WWTR1: variants seen among roughly 807,000 people sequenced by gnomAD.
WWTR1 encodes WW domain containing transcription regulator 1, also known as WW domain-containing transcription regulator protein 1.
WWTR1 carries 13 observed loss-of-function variants against 40.1 expected under a neutral mutation model. The ratio of observed to expected loss-of-function variants is 0.32; its 90% confidence interval spans 0.21 to 0.52. The LOEUF (loss-of-function observed/expected upper bound fraction) is 0.52, where lower values mean the gene tolerates loss of function less well. Among genes scored for constraint, WWTR1 ranks in the 20% least tolerant of loss-of-function variants. The probability of loss-of-function intolerance (pLI) is 0.97; values close to 1 mark genes in which losing one functional copy is unlikely to be tolerated. For synonymous variants in WWTR1, 230 were observed against 210.1 expected (o/e 1.09, Z -0.82); for missense variants, 436 against 523.1 (o/e 0.83, Z 1.63).
At chr3:149,605,361 GTA>G (rs199699970) in intron 2 of WWTR1, among the ~76,000 whole-genome samples, 1,987 of 152,176 alleles carry the variant, frequency 0.013, 48 homozygotes, top group African/African-American at 0.045. Flanking sequence ...CCTTTCTAGT[GTA>G]GTGACCTACA....
At position 149,550,905 on chromosome 3, in the gene WWTR1, TTATC is replaced by T. The variant is rs549527125; in HGVS notation, c.569-8372_569-8369del. Reference sequence around the variant, plus strand: ...TAACTTCAGTTACATATATTCCAAATTATCTATCTTTTAGTTTTTTTTTTTCTTT... The same window carrying T: ...TAACTTCAGTTACATATATTCCAAATTATCTTTTAGTTTTTTTTTTTCTTT... On this transcript the variant is annotated intron_variant, in intron 3 of 6. Coordinates refer to ENST00000360632, the MANE Select transcript of WWTR1 (RefSeq NM_015472.6). Among the ~76,000 whole-genome samples the T allele has an allele frequency of 2.1e-3, 302 of 145,298 alleles. 46 individuals are homozygous for T. Among genetic ancestry groups the T allele is most frequent in the African/African-American group, 7.5e-3 (287 of 38,194 alleles).
At chr3:149,642,273 AGCCAGGCGTGGTGGCCCAT>A (rs1467199990) in intron 2 of WWTR1, among the ~76,000 whole-genome samples, 1 of 151,610 alleles carries the variant, frequency 6.6e-6, no homozygotes, top group Non-Finnish European at 1.5e-5. Context: ...ATACAAAATT[AGCCAGGCGTGGTGGCCCAT>A]GCCTGTAATC....
intron 2 of WWTR1, among the ~76,000 whole-genome samples, chr3:149,581,643 A>T (rs540466355): frequency 2.0e-5 from 3 of 152,206 alleles, no homozygotes; most frequent in Non-Finnish European, 4.4e-5. Flanking sequence ...CAATTCAAAA[A>T]ATTTCAGCAT....
At chr3:149,709,465 G>A (rs75238453) in intron 5 of WWTR1, among the ~76,000 whole-genome samples, 8,231 of 152,098 alleles carry the variant, frequency 0.054, 510 homozygotes, top group African/African-American at 0.14. Flanking sequence ...AAATAAGGTT[G>A]TTTTGTGGTT....
chr3:149,598,263 G>A (rs532490637), intron 2 of WWTR1, among the ~76,000 whole-genome samples: 1 of 152,268 alleles, frequency 6.6e-6, no homozygotes, highest in East Asian at 1.9e-4. Context: ...TTGAAGCTAC[G>A]AATTAGTACT....
At chr3:149,619,501 C>T (rs1026620276) in intron 2 of WWTR1, among the ~76,000 whole-genome samples, 2 of 152,206 alleles carry the variant, frequency 1.3e-5, no homozygotes, top group East Asian at 3.9e-4. Flanking sequence ...CATGCTCCTG[C>T]AGTCCCAGCT....
intron 3 of WWTR1, among the ~76,000 whole-genome samples, chr3:149,564,988 A>G (rs534976746): frequency 4.0e-4 from 61 of 152,036 alleles, no homozygotes; most frequent in African/African-American, 1.4e-3. Flanking sequence ...GGTGTTTGAG[A>G]CTCACCTGGC....
At chr3:149,619,539 C>T (rs1307610348) in intron 2 of WWTR1, among the ~76,000 whole-genome samples, 1 of 152,148 alleles carries the variant, frequency 6.6e-6, no homozygotes, top group African/African-American at 2.4e-5. Flanking sequence ...GGGAGTATCA[C>T]TTGAGCCTAG....
rs1713272631 is a variant in WWTR1 at position 149,656,994 on chromosome 3, TACCCGCAGC to T, written c.304_312del (p.Ala102_Gly104del). ...AGGTGCGCGTGCTGCTGCGCGGGGC[TACCCGCAGC>T]ACCCGCGCCGGTGCCCAGCTGCAGG... On this transcript the variant is annotated inframe_deletion, in exon 2 of 7. Coordinates refer to ENST00000360632, the MANE Select transcript of WWTR1 (RefSeq NM_015472.6). 6.3e-7 allele frequency: 1 copy of T among 1,599,048 alleles called. No individual in the cohort carries two copies. The highest frequency in any genetic ancestry group is 1.1e-5 in the South Asian group (1 of 90,378).
intron 1 of WWTR1, among the ~76,000 whole-genome samples, chr3:149,690,008 T>C (rs1170687676): frequency 3.9e-5 from 6 of 152,182 alleles, no homozygotes; most frequent in Admixed American, 3.9e-4. Context: ...TTATTAGTTT[T>C]CCCTTGGCTT....
At chr3:149,636,801 G>A (rs1486568703) in intron 2 of WWTR1, among the ~76,000 whole-genome samples, 1 of 151,724 alleles carries the variant, frequency 6.6e-6, no homozygotes, top group Non-Finnish European at 1.5e-5. Context: ...CATTAGAGAA[G>A]TATTATGCAC....
intron 4 of WWTR1, among the ~76,000 whole-genome samples, chr3:149,718,546 A>C (rs1163381730): frequency 2.6e-5 from 4 of 152,186 alleles, no homozygotes; most frequent in Non-Finnish European, 4.4e-5. Context: ...GTATATTCAT[A>C]TGGTTGTGCA....
intron 4 of WWTR1, among the ~76,000 whole-genome samples, chr3:149,533,898 G>A (rs1284771727): frequency 7.7e-6 from 1 of 130,250 alleles, no homozygotes; most frequent in Non-Finnish European, 1.8e-5. Flanking sequence ...GGGAGGCAGA[G>A]ATACTAGCTA....
At chr3:149,723,633 A>G (rs1040961768) in intron 4 of WWTR1, among the ~76,000 whole-genome samples, 2 of 152,160 alleles carry the variant, frequency 1.3e-5, no homozygotes, top group African/African-American at 2.4e-5. Flanking sequence ...TCCAACTCCA[A>G]TCACATACAT....
chr3:149,673,272 T>C (rs1261313839), intron 1 of WWTR1, among the ~76,000 whole-genome samples: 2 of 152,134 alleles, frequency 1.3e-5, no homozygotes, highest in Non-Finnish European at 1.5e-5. Context: ...GAGAATTGAC[T>C]ATCACTGGAA....
chr3:149,716,749 T>C (rs965351678), intron 5 of WWTR1, among the ~76,000 whole-genome samples: 15 of 152,194 alleles, frequency 9.9e-5, no homozygotes, highest in Non-Finnish European at 2.2e-4. Context: ...GATGGATGGC[T>C]ACTTGGGTGG....
At chr3:149,560,958 C>CT (rs1737055502) in intron 3 of WWTR1, among the ~76,000 whole-genome samples, 1 of 36,060 alleles carries the variant, frequency 2.8e-5, no homozygotes, top group African/African-American at 3.7e-4. Context: ...AAAGTAACAC[C>CT]CCCCCCCGCA....
At chr3:149,670,854 T>G (rs1714064254) in intron 1 of WWTR1, 1 of 152,082 alleles carries the variant, frequency 6.6e-6, no homozygotes, top group Non-Finnish European at 1.5e-5. Flanking sequence ...GGAAAAAAGT[T>G]ATCACACTGC....
intron 3 of WWTR1, among the ~76,000 whole-genome samples, chr3:149,556,415 C>A (rs1398076424): frequency 6.6e-6 from 1 of 152,126 alleles, no homozygotes; most frequent in Non-Finnish European, 1.5e-5. Context: ...CCCGTCTCTA[C>A]TAAAATTACA....
Sources: gnomAD v4.1 joint callset for allele counts (sites outside exome capture counted in the v4.1 genomes callset) on GRCh38, gnomAD v4.1.1 for gene constraint, MANE v1.5 for transcripts, NCBI Gene and HGNC (gene_info 2026-07-23, HGNC 2026-07-21) for gene names.